Variants in HELZ observed in about 807,000 individuals in gnomAD.
The protein encoded by HELZ is helicase with zinc finger.
A neutral mutation model predicts 218.2 loss-of-function variants in HELZ; 23 were observed. That is an observed-to-expected ratio of 0.11 (90% CI 0.08 to 0.15). The LOEUF (loss-of-function observed/expected upper bound fraction) is 0.15, where lower values mean the gene tolerates loss of function less well. Among genes scored for constraint, HELZ ranks in the 10% least tolerant of loss-of-function variants. The pLI, the probability that HELZ is intolerant of heterozygous loss-of-function variation, is 1.00. For synonymous variants in HELZ, 814 were observed against 829.4 expected, an observed-to-expected ratio of 0.98 and a Z score of 0.32; for missense variants, 1,813 against 2,353.7, an observed-to-expected ratio of 0.77 and a Z score of 4.75.
intron 24 of HELZ, among the ~76,000 whole-genome samples, chr17:67,125,190 T>TA (rs1308052190): frequency 6.2e-5 from 9 of 146,140 alleles, no homozygotes; most frequent in Admixed American, 6.1e-4. Flanking sequence ...CAGAAAGTCA[T>TA]AAAAAAGCCT....
Position 67,136,210 on chromosome 17 carries a change from A to AT in HELZ, c.2954-13dup. The AT allele has an allele frequency of 6.4e-7, 1 of 1,563,018 alleles. No homozygotes were observed. The highest frequency in any genetic ancestry group is 8.7e-7 in the Non-Finnish European group (1 of 1,144,200). On this transcript the variant is annotated splice_polypyrimidine_tract_variant and intron_variant, in intron 22 of 32. Coordinates refer to ENST00000358691, the MANE Select transcript of HELZ (RefSeq NM_014877.4). The stretch of plus-strand genomic sequence containing the variant: ...TCTGAATTGCTTTCCTACAAAGAAA[A>AT]TTTTTTAAGAAAAGACTTAAGATTG...
chr17:67,184,301 C>T (rs377192799), intron 12 of HELZ, among the ~76,000 whole-genome samples: 14 of 152,184 alleles, frequency 9.2e-5, no homozygotes, highest in Non-Finnish European at 1.8e-4. Flanking sequence ...TCTACACCTT[C>T]GGTGTTATTA....
intron 2 of HELZ, among the ~76,000 whole-genome samples, chr17:67,242,003 A>T (rs1190099613): frequency 2.0e-5 from 3 of 152,248 alleles, no homozygotes; most frequent in Admixed American, 1.3e-4. Flanking sequence ...AGGTCAAACA[A>T]CACTAGCCAC....
At chr17:67,187,483 C>T (rs1250301922) in intron 12 of HELZ, among the ~76,000 whole-genome samples, 1 of 152,186 alleles carries the variant, frequency 6.6e-6, no homozygotes, top group Non-Finnish European at 1.5e-5. Context: ...AAAACTACTT[C>T]TAGGTTCTCA....
intron 17 of HELZ, 67 bp downstream of exon 17, chr17:67,160,194 T>A: frequency 1.1e-6 from 1 of 949,818 alleles, no homozygotes; most frequent in Non-Finnish European, 1.7e-6. Context: ...CTAAAATCTT[T>A]ACAGACACCT....
At chr17:67,140,370 G>A (rs867465204) in intron 21 of HELZ, among the ~76,000 whole-genome samples, 49 of 152,282 alleles carry the variant, frequency 3.2e-4, no homozygotes, top group Middle Eastern at 3.4e-3. Context: ...CCTCCGCCAA[G>A]AGACCTACGG....
In HELZ at chr17:67,237,400, C is replaced by G. The variant is rs542900732; in HGVS notation, c.-19+2033G>C. 1.3e-5 allele frequency among the ~76,000 whole-genome samples: 2 copies of G among 152,194 alleles called. 1 individual carries two copies. Among genetic ancestry groups the G allele is most frequent in the Admixed American group, 1.3e-4 (2 of 15,278 alleles). On this transcript the variant is annotated intron_variant, in intron 3 of 32. Coordinates refer to ENST00000358691, the MANE Select transcript of HELZ (RefSeq NM_014877.4). ...AGTCAGCCCAAGTTTCACTGTAAACCCTAAAAATATACAATATTGCCACAT... is the reference window on the plus strand; with the variant it reads ...AGTCAGCCCAAGTTTCACTGTAAACGCTAAAAATATACAATATTGCCACAT...
intron 21 of HELZ, among the ~76,000 whole-genome samples, chr17:67,139,064 GTTTC>G (rs2038240216): frequency 6.6e-6 from 1 of 151,734 alleles, no homozygotes; most frequent in African/African-American, 2.4e-5. Context: ...TAAGTACATC[GTTTC>G]TTTATTATTT....
chr17:67,151,732 T>C (rs1276288348), intron 17 of HELZ, among the ~76,000 whole-genome samples: 39 of 151,806 alleles, frequency 2.6e-4, no homozygotes, highest in Admixed American at 2.6e-3. Context: ...TAGACCTCTG[T>C]CTGAGGTTCT....
intron 4 of HELZ, among the ~76,000 whole-genome samples, chr17:67,216,385 T>A (rs1035648551): frequency 1.3e-5 from 2 of 152,188 alleles, no homozygotes; most frequent in African/African-American, 4.8e-5. Context: ...TACGCAGGTA[T>A]GGCACTCCAG....
At chr17:67,211,931 T>C (rs1278413070) in intron 5 of HELZ, among the ~76,000 whole-genome samples, 3 of 152,030 alleles carry the variant, frequency 2.0e-5, no homozygotes, top group Non-Finnish European at 2.9e-5. Context: ...TTTAATTCCA[T>C]GATGAAGACT....
intron 21 of HELZ, among the ~76,000 whole-genome samples, chr17:67,138,865 G>A (rs997914517): frequency 7.9e-5 from 12 of 152,138 alleles, no homozygotes; most frequent in African/African-American, 2.4e-4. Flanking sequence ...CAGTTTCAAT[G>A]TCTGGCACAG....
chr17:67,159,035 C>T (rs1212148481), intron 17 of HELZ, among the ~76,000 whole-genome samples: 1 of 152,014 alleles, frequency 6.6e-6, no homozygotes, highest in African/African-American at 2.4e-5. Context: ...CTCACTCTAC[C>T]AACAATATAA....
At chr17:67,168,659 C>A (rs1440995818) in intron 13 of HELZ, among the ~76,000 whole-genome samples, 1 of 152,090 alleles carries the variant, frequency 6.6e-6, no homozygotes, top group Non-Finnish European at 1.5e-5. Context: ...AGGTCTCATG[C>A]AGGAATTATG....
Position 67,086,643 on chromosome 17 carries a change from T to A in HELZ, c.5494+186A>T, listed in dbSNP as rs909964487. 1.6e-4 allele frequency among the ~76,000 whole-genome samples: 20 copies of A among 125,998 alleles called. 1 individual carries two copies. In the East Asian group the frequency reaches 1.7e-3, roughly 11 times the overall value. 82.7% of individuals were successfully genotyped at this position (125,998 alleles called of 152,430 possible). On this transcript the variant is annotated intron_variant, in intron 32 of 32. Coordinates refer to ENST00000358691, the MANE Select transcript of HELZ (RefSeq NM_014877.4). ...AAATATAAATATAAATATATATATA[T>A]ATATATATATATATATATATAGAAT...
Position 67,188,520 on chromosome 17 carries a change from C to T in HELZ, c.961G>A (p.Val321Ile), listed in dbSNP as rs751482604. Residue 321 changes from valine to isoleucine, a missense_variant, in exon 12 of 33, where the codon GTA becomes ATA. Physicochemically the swap from Val to Ile is conservative, Grantham distance 29. Transcript: ENST00000358691. The surrounding 1 kb of genome is among the most constrained non-coding windows in gnomAD (Gnocchi z 4.1). ...CAGTTTTCTGGGACTTCTTGTGATACCTGGGTAGTACTATCTCCGGCAGAT... is the reference window on the plus strand; with the variant it reads ...CAGTTTTCTGGGACTTCTTGTGATATCTGGGTAGTACTATCTCCGGCAGAT... ...AISAGDSTTQ[V>I]SQEVPENCQE... 4.3e-6 allele frequency: 7 copies of T among 1,613,866 alleles called. No individual in the cohort carries two copies. The East Asian group carries it at 8.9e-5, about 21-fold the overall frequency.
At chr17:67,170,428 T>C (rs535333442) in intron 13 of HELZ, among the ~76,000 whole-genome samples, 16 of 152,208 alleles carry the variant, frequency 1.1e-4, no homozygotes, top group African/African-American at 3.4e-4. Flanking sequence ...GGCAAAAGAA[T>C]TGCTTGAACC....
chr17:67,135,930 A>G (rs1326579401), intron 23 of HELZ, 40 bp downstream of exon 23: 11 of 1,480,446 alleles, frequency 7.4e-6, no homozygotes, highest in Non-Finnish European at 1.0e-5. Flanking sequence ...AAATCATGTC[A>G]CATTTCCCCT....
intron 32 of HELZ, among the ~76,000 whole-genome samples, 198 bp downstream of exon 32, chr17:67,086,631 A>AATATAAAT (rs914625902): frequency 0.011 from 1,037 of 93,212 alleles, 31 homozygotes; most frequent in African/African-American, 0.046. Flanking sequence ...TATAAATATA[A>AATATAAAT]ATATATATAT....
Sources: allele counts gnomAD v4.1 joint callset (sites outside exome capture counted in the v4.1 genomes callset), GRCh38; gene constraint gnomAD v4.1.1; non-coding constraint Gnocchi (gnomAD v3.1); transcripts MANE v1.5; gene names NCBI Gene and HGNC (gene_info 2026-07-23, HGNC 2026-07-21).